Variants in NAA11 observed in about 807,000 individuals in gnomAD.
The protein encoded by NAA11 is N-alpha-acetyltransferase 11.
A neutral mutation model predicts 16.1 loss-of-function variants in NAA11; 15 were observed. The observed-to-expected ratio is 0.93, with a 90% CI of 0.62 to 1.44. The LOEUF is 1.44. Among genes scored for constraint, NAA11 ranks in the 40% most tolerant of loss-of-function variants. The pLI is 0.00. For missense variants in NAA11, 298 were observed against 291.3 expected (o/e 1.02, Z -0.17); for synonymous variants, 122 against 112.4 (o/e 1.09, Z -0.54).
the NAA11 span, among the ~76,000 whole-genome samples, chr4:79,204,973 G>T: frequency 8.0e-6 from 1 of 124,452 alleles, no homozygotes; most frequent in African/African-American, 2.7e-5. Flanking sequence ...CCATGGTGTG[G>T]GTGTGTGTAT....
chr4:79,173,009 G>C, the NAA11 span, among the ~76,000 whole-genome samples: 428 of 152,192 alleles, frequency 2.8e-3, 6 homozygotes, highest in Middle Eastern at 0.01. Context: ...GACCACACTT[G>C]TTGCTCTCTT....
chr4:79,284,423 T>C (rs558400664), intron 2 of NAA11, among the ~76,000 whole-genome samples: 1 of 152,190 alleles, frequency 6.6e-6, no homozygotes, highest in South Asian at 2.1e-4. Context: ...AGGTAGAGCA[T>C]AAATTTTGAT....
intron 1 of NAA11, chr4:79,305,101 G>A (rs1271556620): frequency 6.6e-6 from 1 of 152,146 alleles, no homozygotes; most frequent in Non-Finnish European, 1.5e-5. Context: ...TTCTTTCTCA[G>A]GATGTTCTTT....
intron 2 of NAA11, among the ~76,000 whole-genome samples, chr4:79,260,534 C>A (rs1412404759): frequency 6.6e-6 from 1 of 152,176 alleles, no homozygotes; most frequent in Non-Finnish European, 1.5e-5. Flanking sequence ...TACATAGAGT[C>A]CCGCTTTTGA....
chr4:79,193,781 A>T, the NAA11 span, among the ~76,000 whole-genome samples: 1 of 152,240 alleles, frequency 6.6e-6, no homozygotes, highest in African/African-American at 2.4e-5. Flanking sequence ...TGGTAGTTTG[A>T]TGGGGATGGC....
rs1724241806 is a variant in NAA11, at chr4:79,325,463, C to T, written c.415G>A (p.Ala139Thr). 3.7e-6 allele frequency: 6 copies of T among 1,614,224 alleles called. No homozygotes were observed. Among genetic ancestry groups the T allele is most frequent in the Non-Finnish European group, 5.1e-6 (6 of 1,180,038 alleles). The change falls in exon 1 of 2, where the codon GCA (alanine) becomes ACA (threonine). Residue 139 changes from alanine (A) to threonine (T), a missense_variant. Coordinates refer to ENST00000286794, the MANE Select transcript of NAA11 (RefSeq NM_032693.3). ...QISEVEPKYY[A>T]DGEDAYAMKR... ...ATAGCATAAGCATCTTCCCCATCTG[C>T]ATAGTATTTAGGTTCCACCTCACTA...
the NAA11 span, among the ~76,000 whole-genome samples, chr4:79,194,266 C>A: frequency 2.6e-3 from 402 of 152,188 alleles, 1 homozygote; most frequent in Non-Finnish European, 3.6e-3. Flanking sequence ...GGCAGTATAG[C>A]CATTTTAATG....
At chr4:79,173,382 G>T in the NAA11 span, among the ~76,000 whole-genome samples, 40 of 152,108 alleles carry the variant, frequency 2.6e-4, no homozygotes, top group Middle Eastern at 6.8e-3. Context: ...CTGGGAGATG[G>T]AAAAACACAC....
At chr4:79,232,894 A>G (rs191975978) in intron 2 of NAA11, among the ~76,000 whole-genome samples, 134 of 152,160 alleles carry the variant, frequency 8.8e-4, no homozygotes, top group African/African-American at 2.6e-3. Flanking sequence ...AAGAAAAAAC[A>G]TGGATTCAGA....
chr4:79,170,194 C>T, the NAA11 span, among the ~76,000 whole-genome samples: 3 of 152,314 alleles, frequency 2.0e-5, no homozygotes, highest in South Asian at 4.1e-4. Flanking sequence ...GGGTCCTGCA[C>T]TCAGAAGGGC....
chr4:79,193,869 T>C, the NAA11 span, among the ~76,000 whole-genome samples: 10 of 152,354 alleles, frequency 6.6e-5, no homozygotes, highest in Non-Finnish European at 1.3e-4. Flanking sequence ...CATGGAATGT[T>C]CTTCCATTTG....
chr4:79,280,525 T>C (rs550023123), intron 2 of NAA11, among the ~76,000 whole-genome samples: 1 of 152,090 alleles, frequency 6.6e-6, no homozygotes, highest in Non-Finnish European at 1.5e-5. Flanking sequence ...CTGTCGTGGT[T>C]TTTTGTTTGT....
chr4:79,178,515 G>C, the NAA11 span, among the ~76,000 whole-genome samples: 2 of 152,200 alleles, frequency 1.3e-5, no homozygotes, highest in Non-Finnish European at 2.9e-5. Context: ...TCATAGGTCA[G>C]AAAGAGCTTC....
intron 2 of NAA11, among the ~76,000 whole-genome samples, chr4:79,293,063 G>T (rs1332897912): frequency 6.6e-6 from 1 of 152,074 alleles, no homozygotes; most frequent in Non-Finnish European, 1.5e-5. Flanking sequence ...GTTTTTTAAA[G>T]AATTTAAATA....
intron 2 of NAA11, among the ~76,000 whole-genome samples, chr4:79,288,226 TCC>T (rs1320203802): frequency 6.6e-6 from 1 of 152,026 alleles, no homozygotes; most frequent in Non-Finnish European, 1.5e-5. Context: ...GGGTGTTTTT[TCC>T]CCCAGTCTGT....
intron 2 of NAA11, among the ~76,000 whole-genome samples, chr4:79,263,063 G>A (rs547848088): frequency 1.3e-5 from 2 of 152,156 alleles, no homozygotes; most frequent in African/African-American, 4.8e-5. Flanking sequence ...ACTATGAATA[G>A]CATAATAATT....
At chr4:79,274,854 T>C (rs570273861) in intron 2 of NAA11, among the ~76,000 whole-genome samples, 48 of 152,180 alleles carry the variant, frequency 3.2e-4, no homozygotes, top group African/African-American at 1.2e-3. Flanking sequence ...CTTAGTGTAA[T>C]ATTCATAAAA....
At chr4:79,239,152 A>C in intron 2 of NAA11, among the ~76,000 whole-genome samples, 1 of 152,218 alleles carries the variant, frequency 6.6e-6, no homozygotes, top group Non-Finnish European at 1.5e-5. Flanking sequence ...GGAGTCAGCT[A>C]GTACTAAATG....
the NAA11 span, among the ~76,000 whole-genome samples, chr4:79,214,088 T>G: frequency 6.6e-6 from 1 of 152,334 alleles, no homozygotes; most frequent in African/African-American, 2.4e-5. Flanking sequence ...AATTGACAAA[T>G]GTTCCAAATG....
Sources: gnomAD v4.1 joint callset for allele counts (sites outside exome capture counted in the v4.1 genomes callset) on GRCh38, gnomAD v4.1.1 for gene constraint, MANE v1.5 for transcripts, NCBI Gene and HGNC (gene_info 2026-07-23, HGNC 2026-07-21) for gene names.